The following CPNE8 variants were observed in gnomAD, a reference collection of about 807,000 sequenced individuals.
The protein encoded by CPNE8 is copine 8, also known as copine-8.
CPNE8 carries 45 observed loss-of-function variants against 81.5 expected under a neutral mutation model. The observed-to-expected ratio is 0.55, with a 90% CI of 0.44 to 0.71. The LOEUF (loss-of-function observed/expected upper bound fraction) is 0.71. CPNE8 is among the 30% of genes least tolerant of loss of function. The pLI is 0.00. For synonymous variants in CPNE8, 252 were observed against 226.3 expected (o/e 1.11, Z -1.02); for missense variants, 594 against 672.1 (o/e 0.88, Z 1.28).
At chr12:38,844,332 C>T (rs755087671) in intron 4 of CPNE8, among the ~76,000 whole-genome samples, 17 of 152,136 alleles carry the variant, frequency 1.1e-4, no homozygotes, top group South Asian at 2.1e-4. Flanking sequence ...CCTGCTCAAA[C>T]GCATTTTGGT....
chr12:38,682,377 G>A (rs1380943600), intron 16 of CPNE8, among the ~76,000 whole-genome samples: 1 of 152,034 alleles, frequency 6.6e-6, no homozygotes, highest in Non-Finnish European at 1.5e-5. Context: ...GGCCAACATG[G>A]CAAAATCCTG....
chr12:38,722,946 T>C (rs1419592666), intron 13 of CPNE8, among the ~76,000 whole-genome samples: 2 of 152,114 alleles, frequency 1.3e-5, no homozygotes, highest in Non-Finnish European at 2.9e-5. Flanking sequence ...CTCCTTCACA[T>C]GCACTCTCTC....
rs187884313 is a variant in CPNE8 at position 38,877,884 on chromosome 12, G to A, written c.99-3373C>T. 5.3e-5 allele frequency among the ~76,000 whole-genome samples: 8 copies of A among 152,220 alleles called. No individual in the cohort carries two copies. In the East Asian group the frequency reaches 1.2e-3, roughly 22 times the overall value. ...CTAGGCTGCATTCCCAGGAGGTTAA[G>A]GCATCCTTAGTCACAGTATAAGGAG... On this transcript the variant is annotated intron_variant, in intron 1 of 19. Transcript: ENST00000331366.
intron 14 of CPNE8, among the ~76,000 whole-genome samples, chr12:38,700,647 G>A (rs529026490): frequency 5.1e-4 from 78 of 152,130 alleles, no homozygotes; most frequent in Middle Eastern, 3.4e-3. Context: ...TTCTTCTATC[G>A]ACAGGGTGTT....
intron 6 of CPNE8, among the ~76,000 whole-genome samples, chr12:38,799,303 T>A (rs1442502497): frequency 6.6e-6 from 1 of 151,698 alleles, no homozygotes. Flanking sequence ...GAAGTAAAGC[T>A]CTCCTCAGCA....
At chr12:38,852,740 T>C (rs192232368) in intron 3 of CPNE8, among the ~76,000 whole-genome samples, 1 of 152,248 alleles carries the variant, frequency 6.6e-6, no homozygotes, top group East Asian at 1.9e-4. Flanking sequence ...AGATCTGAGA[T>C]ATAAATATCA....
intron 5 of CPNE8, among the ~76,000 whole-genome samples, chr12:38,831,194 A>C (rs2137025216): frequency 6.6e-6 from 1 of 152,266 alleles, no homozygotes; most frequent in African/African-American, 2.4e-5. Context: ...CCAGAGAATA[A>C]TGAGAAAAGA....
At chr12:38,669,585 C>G (rs146589581) in intron 19 of CPNE8, among the ~76,000 whole-genome samples, 1 of 152,150 alleles carries the variant, frequency 6.6e-6, no homozygotes, top group Non-Finnish European at 1.5e-5. Flanking sequence ...TGGGCAAACA[C>G]GGCCACTTTA....
intron 10 of CPNE8, among the ~76,000 whole-genome samples, chr12:38,754,920 T>C (rs1455041517): frequency 1.3e-5 from 2 of 152,108 alleles, no homozygotes; most frequent in African/African-American, 4.8e-5. Context: ...TAGGTTACCA[T>C]TAAGGGAAGA....
chr12:38,835,896 C>A (rs1393117272), intron 5 of CPNE8, among the ~76,000 whole-genome samples: 4 of 152,014 alleles, frequency 2.6e-5, no homozygotes, highest in African/African-American at 4.8e-5. Context: ...GTGGTGCCTT[C>A]CGCAACCAAC....
intron 10 of CPNE8, among the ~76,000 whole-genome samples, chr12:38,753,267 C>A (rs536337028): frequency 2.0e-5 from 3 of 152,106 alleles, no homozygotes; most frequent in African/African-American, 7.2e-5. Context: ...GCCTGGTCAA[C>A]ATGGTGAAAC....
At chr12:38,782,096 C>T (rs1293405925) in intron 6 of CPNE8, among the ~76,000 whole-genome samples, 1 of 152,002 alleles carries the variant, frequency 6.6e-6, no homozygotes, top group Non-Finnish European at 1.5e-5. Context: ...CTAGTTGTGA[C>T]AAATGTATTA....
chr12:38,691,232 A>G (rs1243901316), intron 15 of CPNE8, among the ~76,000 whole-genome samples: 1 of 152,176 alleles, frequency 6.6e-6, no homozygotes, highest in Non-Finnish European at 1.5e-5. Context: ...ACCTGGGTTC[A>G]AGTCCTGTCC....
rs185836901 is a variant in CPNE8 at position 38,683,483 on chromosome 12, G to A, written c.1271+2007C>T. Among the ~76,000 whole-genome samples the A allele has an allele frequency of 4.1e-3, 624 of 152,128 alleles. 2 individuals are homozygous for A. The highest frequency in any genetic ancestry group is 6.8e-3 in the Middle Eastern group (2 of 294). ...AAGCAAGAATTTTACATAAATGGAG[G>A]TCACACACACTATAACTATGGCGCT... On this transcript the variant is annotated intron_variant, in intron 16 of 19. Transcript: ENST00000331366.
At chr12:38,818,936 G>T (rs1943069877) in intron 6 of CPNE8, among the ~76,000 whole-genome samples, 1 of 152,152 alleles carries the variant, frequency 6.6e-6, no homozygotes, top group South Asian at 2.1e-4. Context: ...GTCTTCTTTT[G>T]AGAAGTGTCT....
chr12:38,810,997 A>G (rs1023828150), intron 6 of CPNE8, among the ~76,000 whole-genome samples: 1 of 152,074 alleles, frequency 6.6e-6, no homozygotes, highest in Non-Finnish European at 1.5e-5. Flanking sequence ...TCATGTAAGT[A>G]CATTAAGCCC....
At chr12:38,846,442 T>A (rs1348858549) in intron 4 of CPNE8, among the ~76,000 whole-genome samples, 1 of 152,060 alleles carries the variant, frequency 6.6e-6, no homozygotes, top group Non-Finnish European at 1.5e-5. Flanking sequence ...CTACAGAAGA[T>A]TTTGGGAGCT....
chr12:38,760,806 G>A (rs777730955), intron 10 of CPNE8, 41 bp downstream of exon 10: 2 of 1,491,044 alleles, frequency 1.3e-6, no homozygotes, highest in Admixed American at 1.8e-5. Flanking sequence ...GCCTCTTAAA[G>A]TACACCCAGT....
At chr12:38,701,396 C>T (rs1188014168) in intron 14 of CPNE8, among the ~76,000 whole-genome samples, 1 of 152,070 alleles carries the variant, frequency 6.6e-6, no homozygotes, top group African/African-American at 2.4e-5. Context: ...TAATTTCTTG[C>T]TTATCTTAGT....
Sources: allele counts gnomAD v4.1 joint callset (sites outside exome capture counted in the v4.1 genomes callset), GRCh38; gene constraint gnomAD v4.1.1; transcripts MANE v1.5; gene names NCBI Gene and HGNC (gene_info 2026-07-23, HGNC 2026-07-21).